Variants in CACNA2D3 observed in about 807,000 individuals in gnomAD.
The protein encoded by CACNA2D3 is voltage-dependent calcium channel subunit alpha-2/delta-3.
CACNA2D3 carries 60 observed loss-of-function variants against 160.6 expected under a neutral mutation model. That is an observed-to-expected ratio of 0.37 (90% CI 0.30 to 0.46). CACNA2D3 has a LOEUF of 0.46. CACNA2D3 is among the 20% of genes least tolerant of loss of function. CACNA2D3 has a pLI of 1.00. For synonymous variants in CACNA2D3, 558 were observed against 492.9 expected, an observed-to-expected ratio of 1.13 and a Z score of -1.75; for missense variants, 1,205 against 1,365.0, an observed-to-expected ratio of 0.88 and a Z score of 1.85.
intron 27 of CACNA2D3, among the ~76,000 whole-genome samples, chr3:54,917,785 A>C (rs1700698538): frequency 6.6e-6 from 1 of 152,094 alleles, no homozygotes. Flanking sequence ...AAACTTCCCC[A>C]GACTCAGGGC....
intron 14 of CACNA2D3, among the ~76,000 whole-genome samples, chr3:54,832,029 A>ACACACACACACACACACC (rs1703891917): frequency 6.7e-6 from 1 of 148,288 alleles, no homozygotes; most frequent in African/African-American, 2.5e-5. Context: ...ACACACACAC[A>ACACACACACACACACACC]CACACACACA....
intron 2 of CACNA2D3, among the ~76,000 whole-genome samples, chr3:54,293,898 A>G (rs1354176672): frequency 6.6e-6 from 1 of 152,212 alleles, no homozygotes; most frequent in South Asian, 2.1e-4. Flanking sequence ...TGCATTTATC[A>G]AAACAAATAA....
At chr3:54,890,923 C>T (rs1158376819) in intron 24 of CACNA2D3, among the ~76,000 whole-genome samples, 3 of 152,174 alleles carry the variant, frequency 2.0e-5, no homozygotes, top group African/African-American at 7.2e-5. Context: ...TGGCAGATTC[C>T]ACAAATGATC....
intron 4 of CACNA2D3, among the ~76,000 whole-genome samples, chr3:54,451,078 C>A (rs935578348): frequency 3.3e-5 from 5 of 152,122 alleles, no homozygotes; most frequent in African/African-American, 1.2e-4. Flanking sequence ...GAATCATTCT[C>A]TGTGGTTCAA....
At chr3:54,373,579 G>A (rs1370061531) in intron 3 of CACNA2D3, among the ~76,000 whole-genome samples, 1 of 152,196 alleles carries the variant, frequency 6.6e-6, no homozygotes, top group Non-Finnish European at 1.5e-5. Context: ...ACTGTAGGCT[G>A]TGTGGTCCAG....
intron 3 of CACNA2D3, among the ~76,000 whole-genome samples, chr3:54,385,652 T>G (rs2106658225): frequency 6.6e-6 from 1 of 152,318 alleles, no homozygotes; most frequent in Admixed American, 6.5e-5. Context: ...CCGAATGTAT[T>G]TCAGCCTCTT....
At chr3:54,989,091 CTT>C (rs1289856034) in intron 31 of CACNA2D3, among the ~76,000 whole-genome samples, 2 of 152,338 alleles carry the variant, frequency 1.3e-5, no homozygotes, top group Middle Eastern at 3.4e-3. Flanking sequence ...GCACCACTGA[CTT>C]TTCCTATCTT....
chr3:54,447,548 T>TCACAAAGG, intron 4 of CACNA2D3, among the ~76,000 whole-genome samples: 1 of 152,244 alleles, frequency 6.6e-6, no homozygotes, highest in Non-Finnish European at 1.5e-5. Flanking sequence ...CTTTGTGGCC[T>TCACAAAGG]CAGAGCCAGG....
At chr3:54,380,376 G>A (rs1431355559) in intron 3 of CACNA2D3, among the ~76,000 whole-genome samples, 5 of 152,178 alleles carry the variant, frequency 3.3e-5, no homozygotes, top group African/African-American at 9.7e-5. Flanking sequence ...TGTGTAACAC[G>A]CTGCTAGGAT....
At chr3:54,143,820 T>A (rs1358647386) in intron 2 of CACNA2D3, among the ~76,000 whole-genome samples, 1 of 152,326 alleles carries the variant, frequency 6.6e-6, no homozygotes, top group Admixed American at 6.5e-5. Context: ...TTTTGATGTA[T>A]TTCTTTGAGT....
chr3:54,866,196 G>A (rs1344932008), intron 17 of CACNA2D3, among the ~76,000 whole-genome samples: 2 of 152,208 alleles, frequency 1.3e-5, no homozygotes, highest in Non-Finnish European at 2.9e-5. Context: ...ATTTTGGATT[G>A]TGTAGGTGAA....
At chr3:55,016,560 G>T (rs1703331297) in intron 34 of CACNA2D3, among the ~76,000 whole-genome samples, 1 of 152,206 alleles carries the variant, frequency 6.6e-6, no homozygotes, top group Non-Finnish European at 1.5e-5. Context: ...TTTCATGAAG[G>T]CTGTGTGCAT....
chr3:54,646,142 C>T lies in CACNA2D3; in HGVS notation c.1167+3901C>T, dbSNP rs1316247592. 4.3e-4 allele frequency among the ~76,000 whole-genome samples: 10 copies of T among 23,118 alleles called. No homozygotes were observed. In the South Asian group the frequency reaches 0.019, roughly 43 times the overall value. 15.2% of individuals were successfully genotyped at this position (23,118 alleles called of 152,430 possible). On this transcript the variant is annotated intron_variant, in intron 11 of 37. Coordinates refer to ENST00000474759, the MANE Select transcript of CACNA2D3 (RefSeq NM_018398.3). ...TCCTTCCTTTCTTCCTTCCTTCCTT[C>T]CTTCCTTCCCTCCCTCCCTCCCTCC...
intron 17 of CACNA2D3, among the ~76,000 whole-genome samples, chr3:54,846,855 C>T (rs774510096): frequency 5.9e-5 from 9 of 152,146 alleles, no homozygotes; most frequent in East Asian, 1.9e-4. Flanking sequence ...TAATTTGACA[C>T]GATAAATTAG....
At chr3:54,809,183 C>T (rs1463702647) in intron 13 of CACNA2D3, among the ~76,000 whole-genome samples, 1 of 151,648 alleles carries the variant, frequency 6.6e-6, no homozygotes, top group East Asian at 1.9e-4. Context: ...TTGCTTCTTC[C>T]TTTCTTCCTT....
chr3:54,907,760 C>G (rs1397793916), intron 27 of CACNA2D3, among the ~76,000 whole-genome samples: 1 of 152,106 alleles, frequency 6.6e-6, no homozygotes. Context: ...TCTAGGAAAC[C>G]ACTCGTGTGC....
intron 11 of CACNA2D3, among the ~76,000 whole-genome samples, chr3:54,698,518 A>G (rs183987641): frequency 7.6e-4 from 116 of 152,296 alleles, no homozygotes; most frequent in African/African-American, 2.7e-3. Flanking sequence ...CTTGATACTC[A>G]TTTTGATATG....
rs1327431663 is a variant in CACNA2D3, at chr3:54,858,343, C to A, written c.1626+11876C>A. 2.0e-5 allele frequency among the ~76,000 whole-genome samples: 3 copies of A among 152,150 alleles called. No homozygotes were observed. In the East Asian group the frequency reaches 5.8e-4, roughly 29 times the overall value. On this transcript the variant is annotated intron_variant, in intron 17 of 37. Coordinates refer to ENST00000474759, the MANE Select transcript of CACNA2D3 (RefSeq NM_018398.3). ...ATCTAATTGATCAATTGCTTTTCTC[C>A]ATGTGATTGATGCACATCTTTATGT...
At chr3:54,768,368 G>A (rs1376739976) in intron 13 of CACNA2D3, among the ~76,000 whole-genome samples, 1 of 152,126 alleles carries the variant, frequency 6.6e-6, no homozygotes, top group Non-Finnish European at 1.5e-5. Flanking sequence ...TGATGCTCAC[G>A]GCAGATATAA....
Sources: allele counts gnomAD v4.1 joint callset (sites outside exome capture counted in the v4.1 genomes callset), GRCh38; gene constraint gnomAD v4.1.1; transcripts MANE v1.5; gene names NCBI Gene and HGNC (gene_info 2026-07-23, HGNC 2026-07-21).